RSPO3: variants seen among roughly 807,000 people sequenced by gnomAD.
RSPO3 encodes R-spondin-3.
RSPO3 carries 17 observed loss-of-function variants against 36.5 expected under a neutral mutation model. The observed-to-expected ratio is 0.47, with a 90% CI of 0.32 to 0.70. The LOEUF (loss-of-function observed/expected upper bound fraction) is 0.70. RSPO3 is among the 30% of genes least tolerant of loss of function. The pLI, the probability that RSPO3 is intolerant of heterozygous loss-of-function variation, is 0.04. For synonymous variants in RSPO3, 108 were observed against 107.0 expected, an observed-to-expected ratio of 1.01 and a Z score of -0.06; for missense variants, 294 against 322.5, an observed-to-expected ratio of 0.91 and a Z score of 0.68.
intron 2 of RSPO3, among the ~76,000 whole-genome samples, chr6:127,150,114 T>C (rs1186551669): frequency 6.6e-6 from 1 of 151,840 alleles, no homozygotes; most frequent in Non-Finnish European, 1.5e-5. Context: ...GATGAAACAT[T>C]TTCACTATCA....
chr6:127,170,968 T>C (rs916857499), intron 4 of RSPO3, among the ~76,000 whole-genome samples: 1 of 151,750 alleles, frequency 6.6e-6, no homozygotes, highest in Non-Finnish European at 1.5e-5. Flanking sequence ...GTGATGGCTA[T>C]ACAACAGTGT....
At chr6:127,134,195 A>C (rs1774109451) in intron 1 of RSPO3, among the ~76,000 whole-genome samples, 1 of 152,212 alleles carries the variant, frequency 6.6e-6, no homozygotes. Flanking sequence ...TTCTTGTCTT[A>C]AAATTTATGA....
intron 4 of RSPO3, among the ~76,000 whole-genome samples, chr6:127,161,655 T>C (rs988734460): frequency 2.6e-5 from 4 of 152,226 alleles, no homozygotes; most frequent in South Asian, 2.1e-4. Context: ...CTAATTGGTG[T>C]GTACCTCAGC....
At chr6:127,181,915 A>G (rs1183987761) in intron 4 of RSPO3, among the ~76,000 whole-genome samples, 1 of 151,864 alleles carries the variant, frequency 6.6e-6, no homozygotes, top group East Asian at 1.9e-4. Flanking sequence ...ATTCATTCAA[A>G]AAAAGAGGTT....
intron 4 of RSPO3, among the ~76,000 whole-genome samples, chr6:127,173,319 C>T (rs1468195223): frequency 6.6e-6 from 1 of 151,770 alleles, no homozygotes; most frequent in African/African-American, 2.4e-5. Context: ...TATTCAAATG[C>T]ACTAAATGGT....
chr6:127,153,202 G>T (rs988557322), intron 3 of RSPO3, among the ~76,000 whole-genome samples: 5 of 152,080 alleles, frequency 3.3e-5, no homozygotes, highest in Non-Finnish European at 7.4e-5. Context: ...TAATACAGAA[G>T]CTAGGAGGAA....
intron 4 of RSPO3, among the ~76,000 whole-genome samples, chr6:127,193,871 A>T (rs1235323024): frequency 1.3e-5 from 2 of 152,204 alleles, no homozygotes; most frequent in South Asian, 2.1e-4. Context: ...AATGGAATCG[A>T]GTAATCAGAA....
intron 4 of RSPO3, among the ~76,000 whole-genome samples, chr6:127,160,862 T>C (rs1292523536): frequency 6.6e-6 from 1 of 152,184 alleles, no homozygotes; most frequent in African/African-American, 2.4e-5. Flanking sequence ...ACCTCACTAC[T>C]CATCTTTAAA....
chr6:127,152,786 A>G (rs1774515998), intron 3 of RSPO3, among the ~76,000 whole-genome samples: 1 of 152,134 alleles, frequency 6.6e-6, no homozygotes, highest in Non-Finnish European at 1.5e-5. Flanking sequence ...AAATTTTATA[A>G]GAGAACATAT....
At chr6:127,183,963 C>T (rs972355422) in intron 4 of RSPO3, among the ~76,000 whole-genome samples, 1 of 152,034 alleles carries the variant, frequency 6.6e-6, no homozygotes, top group African/African-American at 2.4e-5. Context: ...ATGCATCCTT[C>T]ATATGGCGGA....
At position 127,118,997 on chromosome 6, in the gene RSPO3, T is replaced by A. The variant is rs1370557466; in HGVS notation, c.-196T>A. 2.1e-6 allele frequency: 1 copy of A among 467,110 alleles called. No individual in the cohort carries two copies. The highest frequency in any genetic ancestry group is 3.8e-6 in the Non-Finnish European group (1 of 265,754). The allele number at this position is 467,110 out of a possible 1,614,324, so 28.9% of individuals were successfully genotyped here. ...GTTCAGTGCTTGGATAATTTGAAAG[T>A]ACAATAGTTGGTTTCCCTGTCCACC... On this transcript the variant is annotated 5_prime_UTR_variant, in exon 1 of 5. Coordinates refer to ENST00000356698, the MANE Select transcript of RSPO3 (RefSeq NM_032784.5).
intron 4 of RSPO3, among the ~76,000 whole-genome samples, chr6:127,157,989 T>C (rs1218976135): frequency 6.6e-6 from 1 of 151,064 alleles, no homozygotes; most frequent in Non-Finnish European, 1.5e-5. Context: ...ACATCCAGAG[T>C]CTTCATTTAG....
chr6:127,131,392 A>C (rs914525621), intron 1 of RSPO3, among the ~76,000 whole-genome samples: 1 of 152,118 alleles, frequency 6.6e-6, no homozygotes, highest in Non-Finnish European at 1.5e-5. Flanking sequence ...TGAACTGAGT[A>C]TGTGCTCTAA....
chr6:127,167,478 T>C (rs1349723372), intron 4 of RSPO3, among the ~76,000 whole-genome samples: 2 of 152,048 alleles, frequency 1.3e-5, no homozygotes, highest in Admixed American at 1.3e-4. Context: ...CTGCATAATA[T>C]TCCATGGTGT....
intron 1 of RSPO3, among the ~76,000 whole-genome samples, chr6:127,131,494 C>G (rs9491696): frequency 0.45 from 68,490 of 151,856 alleles, 15,488 homozygotes; most frequent in East Asian, 0.53. Flanking sequence ...TCTAGGTCAT[C>G]AGATAAGAAC....
At chr6:127,149,609 G>A (rs1267892927) in intron 2 of RSPO3, among the ~76,000 whole-genome samples, 4 of 151,996 alleles carry the variant, frequency 2.6e-5, no homozygotes, top group African/African-American at 4.8e-5. Context: ...TAATCAGCCT[G>A]TTCCCCTTGT....
At chr6:127,181,305 C>T (rs1027371430) in intron 4 of RSPO3, among the ~76,000 whole-genome samples, 3 of 151,736 alleles carry the variant, frequency 2.0e-5, no homozygotes, top group East Asian at 1.9e-4. Context: ...AAAAACTATA[C>T]AGTAAAATAT....
In RSPO3 at chr6:127,146,491, G is replaced by T. The variant is rs567892390; in HGVS notation, c.98-2157G>T. On this transcript the variant is annotated intron_variant, in intron 1 of 4. Coordinates refer to ENST00000356698, the MANE Select transcript of RSPO3 (RefSeq NM_032784.5). ...GAACATTCCAAACATTCAAAACCTA[G>T]TTTTTAAAATAAAATTTATCTTAAG... Among the ~76,000 whole-genome samples, 25 of 152,146 alleles carry T rather than the reference G, an allele frequency of 1.6e-4. 1 individual carries two copies. The highest frequency in any genetic ancestry group is 5.3e-4 in the African/African-American group (22 of 41,538).
At chr6:127,187,902 T>C (rs1775328528) in intron 4 of RSPO3, among the ~76,000 whole-genome samples, 1 of 152,130 alleles carries the variant, frequency 6.6e-6, no homozygotes, top group Non-Finnish European at 1.5e-5. Flanking sequence ...ATGAGTAAAA[T>C]TCGTAAACAT....
Sources: gnomAD v4.1 joint callset for allele counts (sites outside exome capture counted in the v4.1 genomes callset) on GRCh38, gnomAD v4.1.1 for gene constraint, MANE v1.5 for transcripts, NCBI Gene and HGNC (gene_info 2026-07-23, HGNC 2026-07-21) for gene names.